The following ASTN1 variants were observed in gnomAD, a reference collection of about 807,000 sequenced individuals.
ASTN1 encodes astrotactin-1.
ASTN1 carries 41 observed loss-of-function variants against 140.7 expected under a neutral mutation model. The observed-to-expected ratio is 0.29, with a 90% CI of 0.23 to 0.38. The LOEUF is 0.38. ASTN1 is among the 10% of genes least tolerant of loss of function. The pLI, the probability that ASTN1 is intolerant of heterozygous loss-of-function variation, is 1.00. For synonymous variants in ASTN1, 640 were observed against 652.2 expected (o/e 0.98, Z 0.29); for missense variants, 1,479 against 1,678.8 (o/e 0.88, Z 2.08).
intron 1 of ASTN1, among the ~76,000 whole-genome samples, chr1:177,071,926 C>T (rs2102056705): frequency 6.6e-6 from 1 of 152,260 alleles, no homozygotes; most frequent in East Asian, 1.9e-4. Flanking sequence ...TTATTATCAT[C>T]CCTGTGTTAC....
intron 8 of ASTN1, among the ~76,000 whole-genome samples, chr1:177,007,344 T>C (rs1675049501): frequency 1.3e-5 from 2 of 152,060 alleles, no homozygotes; most frequent in African/African-American, 4.8e-5. Flanking sequence ...TGAGCCAAGA[T>C]AGCACCATTG....
intron 1 of ASTN1, among the ~76,000 whole-genome samples, chr1:177,103,436 A>G (rs1171133816): frequency 1.3e-5 from 2 of 152,126 alleles, no homozygotes; most frequent in African/African-American, 4.8e-5. Context: ...AGGATAGGGC[A>G]CTGGGCGAAT....
chr1:177,162,881 A>T (rs1476475930), intron 1 of ASTN1, among the ~76,000 whole-genome samples: 1 of 152,176 alleles, frequency 6.6e-6, no homozygotes, highest in African/African-American at 2.4e-5. Context: ...CCCAGTTTTT[A>T]TTATGTTATT....
intron 1 of ASTN1, among the ~76,000 whole-genome samples, chr1:177,089,927 C>T (rs751269416): frequency 3.9e-5 from 6 of 152,218 alleles, no homozygotes; most frequent in Admixed American, 6.5e-5. Flanking sequence ...GCATCCTCTT[C>T]GGTTCCAACA....
chr1:176,988,088 T>C (rs1450628577), intron 8 of ASTN1, among the ~76,000 whole-genome samples: 2 of 152,092 alleles, frequency 1.3e-5, no homozygotes, highest in Non-Finnish European at 2.9e-5. Context: ...ACAAGTTAAT[T>C]TGAGATACTT....
chr1:177,080,726 T>TA (rs894520190), intron 1 of ASTN1, among the ~76,000 whole-genome samples: 6 of 152,138 alleles, frequency 3.9e-5, no homozygotes, highest in African/African-American at 1.4e-4. Flanking sequence ...TCTGTTTCCC[T>TA]AGGGAGGAAG....
chr1:176,866,972 A>G (rs1184810215), intron 22 of ASTN1, among the ~76,000 whole-genome samples: 1 of 152,190 alleles, frequency 6.6e-6, no homozygotes. Context: ...GCCAAATTTT[A>G]TTTCCTGCAG....
In ASTN1 at chr1:176,936,278, C is replaced by T. The variant is rs760087035; in HGVS notation, c.2470G>A (p.Ala824Thr). 1 of 1,613,896 alleles carries T rather than the reference C, an allele frequency of 6.2e-7. No individual in the cohort carries two copies. Among genetic ancestry groups the T allele is most frequent in the Non-Finnish European group, 8.5e-7 (1 of 1,179,844 alleles). Residue 824 changes from alanine to threonine, a missense_variant, in exon 15 of 23, where the codon GCC (alanine) becomes ACC (threonine). Coordinates refer to ENST00000361833, the MANE Select transcript of ASTN1 (RefSeq NM_004319.3). ...CAGCAGTGCTCACCCTGAGAGATGGCCACTTGGTTGAGTTTGATGTGGTAC... is the reference window on the plus strand; with the variant it reads ...CAGCAGTGCTCACCCTGAGAGATGGTCACTTGGTTGAGTTTGATGTGGTAC... Reference protein sequence around the residue: ...VMYHIKLNQVAISQALSNALH... With the variant: ...VMYHIKLNQVTISQALSNALH...
chr1:177,160,001 G>A (rs746898242), intron 1 of ASTN1, among the ~76,000 whole-genome samples: 26 of 152,152 alleles, frequency 1.7e-4, no homozygotes, highest in Admixed American at 6.5e-5. Flanking sequence ...AATGGGCAAG[G>A]ATATTCAAGA....
chr1:177,020,908 G>A (rs1675790193), intron 7 of ASTN1, among the ~76,000 whole-genome samples: 1 of 152,170 alleles, frequency 6.6e-6, no homozygotes, highest in Non-Finnish European at 1.5e-5. Flanking sequence ...ACAGCTCCAT[G>A]CATCCATATG....
At chr1:176,919,772 C>G (rs1350014906) in intron 16 of ASTN1, among the ~76,000 whole-genome samples, 1 of 152,244 alleles carries the variant, frequency 6.6e-6, no homozygotes, top group East Asian at 1.9e-4. Context: ...GGGACCAGGG[C>G]AGCCTGCATG....
intron 5 of ASTN1, among the ~76,000 whole-genome samples, chr1:177,027,211 A>G (rs1676161670): frequency 6.6e-6 from 1 of 151,904 alleles, no homozygotes; most frequent in Non-Finnish European, 1.5e-5. Context: ...CCCTGTAAAC[A>G]CTTCCCTGAA....
chr1:176,929,417 G>T (rs763144502), intron 16 of ASTN1, among the ~76,000 whole-genome samples: 3 of 152,196 alleles, frequency 2.0e-5, no homozygotes, highest in Non-Finnish European at 4.4e-5. Context: ...GCTTGCTAAG[G>T]AATGCAAGTG....
intron 1 of ASTN1, among the ~76,000 whole-genome samples, chr1:177,094,428 T>TC (rs1679924926): frequency 6.6e-6 from 1 of 152,170 alleles, no homozygotes; most frequent in Non-Finnish European, 1.5e-5. Context: ...CTTCCTCCAG[T>TC]CCCCTGCTTT....
chr1:177,163,346 C>A (rs1647500485), intron 1 of ASTN1, among the ~76,000 whole-genome samples: 1 of 149,398 alleles, frequency 6.7e-6, no homozygotes, highest in African/African-American at 2.5e-5. Flanking sequence ...GGTAGGCATG[C>A]ACAGCAAGGT....
chr1:177,103,906 A>T (rs1316013887), intron 1 of ASTN1, among the ~76,000 whole-genome samples: 2 of 152,134 alleles, frequency 1.3e-5, no homozygotes, highest in African/African-American at 4.8e-5. Flanking sequence ...TGTCTCTTTC[A>T]CAGTTATTTA....
At chr1:176,913,674 A>T in intron 16 of ASTN1, among the ~76,000 whole-genome samples, 1 of 152,238 alleles carries the variant, frequency 6.6e-6, no homozygotes, top group East Asian at 1.9e-4. Context: ...GAATGCTCTG[A>T]TAAAGTCTGC....
At chr1:177,062,033 C>G (rs1483074281) in intron 1 of ASTN1, among the ~76,000 whole-genome samples, 1 of 152,044 alleles carries the variant, frequency 6.6e-6, no homozygotes, top group East Asian at 1.9e-4. Context: ...GACTATGCCC[C>G]TAGCACTGTA....
chr1:177,024,556 G>T (rs766307584), intron 6 of ASTN1, 27 bp downstream of exon 6: 11 of 1,608,896 alleles, frequency 6.8e-6, no homozygotes, highest in Middle Eastern at 1.6e-4. Context: ...GGGGGGCAAG[G>T]TCGCATCCTC....
Sources: gnomAD v4.1 joint callset for allele counts (sites outside exome capture counted in the v4.1 genomes callset) on GRCh38, gnomAD v4.1.1 for gene constraint, MANE v1.5 for transcripts, NCBI Gene and HGNC (gene_info 2026-07-23, HGNC 2026-07-21) for gene names.